The following SUMF1 variants were observed in gnomAD, a reference collection of about 807,000 sequenced individuals.
The protein encoded by SUMF1 is sulfatase modifying factor 1, also known as formylglycine-generating enzyme.
SUMF1 carries 48 observed loss-of-function variants against 47.6 expected under a neutral mutation model. The ratio of observed to expected loss-of-function variants is 1.01; its 90% confidence interval spans 0.80 to 1.28. The LOEUF is 1.28. SUMF1 is among the 50% of genes most tolerant of loss of function. SUMF1 has a pLI of 0.00. For missense variants in SUMF1, 571 were observed against 485.4 expected (o/e 1.18, Z -1.66); for synonymous variants, 230 against 192.1 (o/e 1.20, Z -1.63).
intron 9 of SUMF1, among the ~76,000 whole-genome samples, chr3:4,059,728 A>G (rs189381105): frequency 7.0e-6 from 1 of 142,062 alleles, no homozygotes; most frequent in Non-Finnish European, 1.5e-5. Context: ...TTAACGCATA[A>G]TCACAAATCA....
At chr3:4,383,755 C>G (rs190554626) in intron 7 of SUMF1, among the ~76,000 whole-genome samples, 5 of 152,250 alleles carry the variant, frequency 3.3e-5, no homozygotes, top group Non-Finnish European at 7.4e-5. Context: ...CAAGGGGAAG[C>G]GATGTGAACA....
At chr3:4,210,998 G>C (rs757438134) in intron 8 of SUMF1, among the ~76,000 whole-genome samples, 1 of 150,544 alleles carries the variant, frequency 6.6e-6, no homozygotes, top group Non-Finnish European at 1.5e-5. Context: ...TCAACTCCAA[G>C]TTCTTCAGCT....
intron 3 of SUMF1, among the ~76,000 whole-genome samples, chr3:4,424,690 A>C (rs1331015495): frequency 6.6e-6 from 1 of 152,250 alleles, no homozygotes; most frequent in Non-Finnish European, 1.5e-5. Context: ...GGAAATATGA[A>C]AATAATATAC....
intron 9 of SUMF1, among the ~76,000 whole-genome samples, chr3:4,035,966 A>G (rs566031819): frequency 6.6e-6 from 1 of 152,250 alleles, no homozygotes; most frequent in South Asian, 2.1e-4. Context: ...TATGTGACCA[A>G]TGGCCTATGT....
chr3:4,415,784 G>GAGTGAGT (rs1457096549), intron 6 of SUMF1, among the ~76,000 whole-genome samples: 1 of 152,146 alleles, frequency 6.6e-6, no homozygotes, highest in East Asian at 1.9e-4. Context: ...CTGCACTACA[G>GAGTGAGT]CCTGAGTGAC....
intron 8 of SUMF1, among the ~76,000 whole-genome samples, chr3:4,213,507 A>G (rs1328653820): frequency 6.6e-6 from 1 of 152,202 alleles, no homozygotes; most frequent in African/African-American, 2.4e-5. Flanking sequence ...GCATCAACTA[A>G]CAGGCAAAAC....
Position 4,367,130 on chromosome 3 carries a change from G to A in SUMF1, c.1015-4876C>T, listed in dbSNP as rs568214173. 1.8e-4 allele frequency among the ~76,000 whole-genome samples: 26 copies of A among 147,220 alleles called. No homozygotes were observed. The South Asian group carries it at 3.4e-3, about 19-fold the overall frequency. The stretch of plus-strand genomic sequence containing the variant: ...TGTGAGGTGTCAGTCTGCCCCTACT[G>A]GGGGGGTGCCTCACAGTTAGGCTGC... On this transcript the variant is annotated intron_variant, in intron 8 of 8. Transcript: ENST00000272902.
chr3:4,172,436 C>A (rs965243318), intron 8 of SUMF1, among the ~76,000 whole-genome samples: 3 of 152,128 alleles, frequency 2.0e-5, no homozygotes, highest in African/African-American at 7.2e-5. Context: ...CTGATAATAG[C>A]AGCACACTTT....
intron 8 of SUMF1, among the ~76,000 whole-genome samples, chr3:4,346,841 T>A (rs1699384154): frequency 6.6e-6 from 1 of 152,046 alleles, no homozygotes; most frequent in African/African-American, 2.4e-5. Flanking sequence ...AAAAAAATGA[T>A]AAAGGGGATA....
At chr3:4,253,414 A>G (rs1465567699) in intron 8 of SUMF1, among the ~76,000 whole-genome samples, 19 of 152,042 alleles carry the variant, frequency 1.2e-4, no homozygotes, top group African/African-American at 2.6e-4. Flanking sequence ...TGCACCGTGC[A>G]CGAGCGGAAG....
intron 8 of SUMF1, among the ~76,000 whole-genome samples, chr3:4,325,970 C>T (rs1304717843): frequency 6.6e-6 from 1 of 152,104 alleles, no homozygotes; most frequent in African/African-American, 2.4e-5. Context: ...TACAGGCATG[C>T]ACCACCATGC....
At chr3:4,049,981 C>T (rs1695076034) in intron 9 of SUMF1, among the ~76,000 whole-genome samples, 1 of 152,064 alleles carries the variant, frequency 6.6e-6, no homozygotes, top group Non-Finnish European at 1.5e-5. Flanking sequence ...CTCTGACCAT[C>T]CCCAGCCAAA....
At chr3:4,259,201 C>T (rs1227624274) in intron 8 of SUMF1, among the ~76,000 whole-genome samples, 2 of 151,552 alleles carry the variant, frequency 1.3e-5, no homozygotes, top group East Asian at 3.9e-4. Context: ...CAGCATGGCA[C>T]ATGTATACAT....
At chr3:4,416,998 G>A (rs1452580427) in intron 6 of SUMF1, 130 bp downstream of exon 6, 8 of 825,136 alleles carry the variant, frequency 9.7e-6, no homozygotes, top group East Asian at 2.5e-5. Flanking sequence ...TTTGCTACGT[G>A]CAACAGTGAA....
intron 8 of SUMF1, among the ~76,000 whole-genome samples, chr3:4,210,957 T>G (rs1695767346): frequency 6.6e-6 from 1 of 151,434 alleles, no homozygotes; most frequent in Admixed American, 6.6e-5. Flanking sequence ...TACATCTTTC[T>G]CCTGTGATGG....
chr3:4,262,654 C>G (rs992475573), intron 8 of SUMF1, among the ~76,000 whole-genome samples: 9 of 152,084 alleles, frequency 5.9e-5, no homozygotes, highest in Admixed American at 3.9e-4. Flanking sequence ...GCAGCCCCAG[C>G]AGAAAGGCAT....
chr3:4,143,274 A>C (rs989718494), intron 8 of SUMF1, among the ~76,000 whole-genome samples: 1 of 152,238 alleles, frequency 6.6e-6, no homozygotes, highest in South Asian at 2.1e-4. Context: ...TCAAGAACAG[A>C]CCAGTGCAGA....
intron 8 of SUMF1, among the ~76,000 whole-genome samples, chr3:4,172,028 G>A (rs1694843370): frequency 1.3e-5 from 2 of 152,170 alleles, no homozygotes; most frequent in Admixed American, 6.5e-5. Flanking sequence ...ATGACGGGTT[G>A]AATGTGGCAA....
intron 8 of SUMF1, among the ~76,000 whole-genome samples, chr3:4,251,387 A>C (rs13094621): frequency 0.16 from 23,772 of 152,250 alleles, 2,350 homozygotes; most frequent in Non-Finnish European, 0.22. Flanking sequence ...CCTGGTGAAG[A>C]TGCTGTCAAC....
Sources: allele counts gnomAD v4.1 joint callset (sites outside exome capture counted in the v4.1 genomes callset), GRCh38; gene constraint gnomAD v4.1.1; transcripts MANE v1.5; gene names NCBI Gene and HGNC (gene_info 2026-07-23, HGNC 2026-07-21).